The following PLIN5 variants were observed in gnomAD, a reference collection of about 807,000 sequenced individuals.
PLIN5 encodes perilipin 5, also known as perilipin-5.
PLIN5 carries 34 observed loss-of-function variants against 32.8 expected under a neutral mutation model. The ratio of observed to expected loss-of-function variants is 1.04; its 90% CI spans 0.79 to 1.38. The LOEUF (loss-of-function observed/expected upper bound fraction) is 1.38, where lower values mean the gene tolerates loss of function less well. PLIN5 is among the 40% of genes most tolerant of loss of function. PLIN5 has a pLI of 0.00. For synonymous variants in PLIN5, 309 were observed against 292.9 expected, an observed-to-expected ratio of 1.05 and a Z score of -0.56; for missense variants, 712 against 660.5, an observed-to-expected ratio of 1.08 and a Z score of -0.85.
rs997179552 is a variant in PLIN5, at chr19:4,535,188, C to G, written c.-45G>C. The G allele has an allele frequency of 1.3e-5, 2 of 152,034 alleles. No homozygotes were observed. The highest frequency in any genetic ancestry group is 4.8e-5 in the African/African-American group (2 of 41,384). The allele number at this position is 152,034 out of a possible 1,614,324, so 9.4% of individuals were successfully genotyped here. ...ACCTGGGCGCGAGCGGCTTCAGACACCAGCTGTCTCCGCCGACCCCAGGCT... is the reference window on the plus strand; with the variant it reads ...ACCTGGGCGCGAGCGGCTTCAGACAGCAGCTGTCTCCGCCGACCCCAGGCT... On this transcript the variant is annotated 5_prime_UTR_variant, in exon 1 of 8. Coordinates refer to ENST00000381848, the MANE Select transcript of PLIN5 (RefSeq NM_001013706.3).
At position 4,525,063 on chromosome 19, in the gene PLIN5, T is replaced by C; in HGVS notation, c.734A>G (p.Gln245Arg). The part of the protein sequence containing the change: ...QETLELIDHM[Q>R]CGVTPTAPAC... Reference sequence around the variant, plus strand: ...CGGGGCGGTGGGGGTCACCCCACACTGCATGTGGTCTATCTGCAAGGACAG... The same window carrying C: ...CGGGGCGGTGGGGGTCACCCCACACCGCATGTGGTCTATCTGCAAGGACAG... The change falls in exon 7 of 8, where the codon CAG becomes CGG. Residue 245 changes from glutamine (Q) to arginine (R), a missense_variant. Coordinates refer to ENST00000381848, the MANE Select transcript of PLIN5 (RefSeq NM_001013706.3). The surrounding 1 kb of genome is among the most constrained non-coding windows in gnomAD (Gnocchi z 5.6). 7.1e-7 allele frequency: 1 copy of C among 1,415,834 alleles called. No individual in the cohort carries two copies. The highest frequency in any genetic ancestry group is 1.5e-5 in the South Asian group (1 of 67,200). The allele number at this position is 1,415,834 out of a possible 1,614,324, so 87.7% of individuals were successfully genotyped here.
Position 4,531,711 on chromosome 19 carries a change from G to T in PLIN5, c.172C>A (p.Arg58Ser). ...CCGCACACGCAGTTCTCAGCCAGGC[G>T]GCAGGCGGAGCCCAGCAGCGGGTGC... The part of the protein sequence containing the change: ...DRHPLLGSAC[R>S]LAENCVCGLT... Residue 58 changes from arginine to serine, a missense_variant, in exon 3 of 8, where the codon CGC becomes AGC. Coordinates refer to ENST00000381848, the MANE Select transcript of PLIN5 (RefSeq NM_001013706.3). The T allele has an allele frequency of 1.9e-6, 3 of 1,582,716 alleles. No individual in the cohort carries two copies. The highest frequency in any genetic ancestry group is 1.7e-6 in the Non-Finnish European group (2 of 1,168,238).
At chr19:4,524,412 C>T (rs1228124997) in intron 7 of PLIN5, among the ~76,000 whole-genome samples, 8 of 152,254 alleles carry the variant, frequency 5.3e-5, no homozygotes, top group South Asian at 2.1e-4. Context: ...ATTAGCTGGG[C>T]GTGGTGGTGG....
intron 2 of PLIN5, chr19:4,533,426 G>C (rs1292584159): frequency 6.4e-6 from 1 of 155,544 alleles, no homozygotes; most frequent in Admixed American, 6.4e-5. Flanking sequence ...CCATGTTGTT[G>C]AAGGGTCCAC....
At position 4,529,507 on chromosome 19, in the gene PLIN5, TAC is replaced by T. The variant is rs1336248129; in HGVS notation, c.340-256_340-255del. The T allele has an allele frequency of 8.8e-5, 47 of 535,496 alleles. 1 individual carries two copies. The Admixed American group carries it at 1.6e-3, about 18-fold the overall frequency. 33.2% of individuals were successfully genotyped at this position (535,496 alleles called of 1,614,324 possible). A position where few individuals can be genotyped will look rare whatever the true frequency, so the allele number is the denominator to read the frequency against. ...ACACATATACACACATATACATATA[TAC>T]ATGTATATATACACATATACATATA... On this transcript the variant is annotated intron_variant, in intron 4 of 7. Coordinates refer to ENST00000381848, the MANE Select transcript of PLIN5 (RefSeq NM_001013706.3).
At chr19:4,529,728 G>A (rs574553019) in intron 4 of PLIN5, 56 bp downstream of exon 4, 7 of 533,706 alleles carry the variant, frequency 1.3e-5, no homozygotes, top group Admixed American at 2.2e-5. Flanking sequence ...CCTCCCTCCC[G>A]CCTCTAATCT....
In PLIN5 at chr19:4,527,564, A is replaced by AC. The variant is rs1297082507; in HGVS notation, c.520+1508_520+1509insG. Among the ~76,000 whole-genome samples, 44 of 146,356 alleles carry AC rather than the reference A, an allele frequency of 3.0e-4. 1 individual carries two copies. In the East Asian group the frequency reaches 4.9e-3, roughly 16 times the overall value. ...AAAAAAAAAAAAAAAAAAAAAAAAA[A>AC]AACAACAATGGTTGGGCGTGGTGGA... is the stretch of plus-strand genomic sequence containing the variant. On this transcript the variant is annotated intron_variant, in intron 5 of 7. Transcript: ENST00000381848.
chr19:4,530,249 A>G (rs10406628), intron 3 of PLIN5, among the ~76,000 whole-genome samples: 27,408 of 152,050 alleles, frequency 0.18, 4,542 homozygotes, highest in African/African-American at 0.44. Context: ...CTCCTCTGCC[A>G]TCCTGCCTGG....
chr19:4,535,210 G>A lies in PLIN5; in HGVS notation c.-67C>T, dbSNP rs1031593837. 3.3e-5 allele frequency: 5 copies of A among 151,820 alleles called. No homozygotes were observed. The highest frequency in any genetic ancestry group is 5.9e-5 in the Non-Finnish European group (4 of 68,086). The allele number at this position is 151,820 out of a possible 1,614,324, so 9.4% of individuals were successfully genotyped here. On this transcript the variant is annotated 5_prime_UTR_variant, in exon 1 of 8. Coordinates refer to ENST00000381848, the MANE Select transcript of PLIN5 (RefSeq NM_001013706.3). The stretch of plus-strand genomic sequence containing the variant: ...ACACCAGCTGTCTCCGCCGACCCCA[G>A]GCTCGAGTCTCCACACCCCCGCCGG...
intron 7 of PLIN5, among the ~76,000 whole-genome samples, chr19:4,524,509 G>T (rs544483343): frequency 6.6e-6 from 1 of 152,152 alleles, no homozygotes; most frequent in African/African-American, 2.4e-5. Flanking sequence ...CTGAGATCGC[G>T]CCACTGCACT....
chr19:4,529,610 T>TACACACACACACACACACACACACACAC (rs56850019), intron 4 of PLIN5, 174 bp downstream of exon 4: 1 of 403,770 alleles, frequency 2.5e-6, no homozygotes, highest in Non-Finnish European at 4.6e-6. Context: ...CATATATGTA[T>TACACACACACACACACACACACACACAC]ACACACACAC....
At chr19:4,529,532 A>C in intron 4 of PLIN5, 1 of 467,204 alleles carries the variant, frequency 2.1e-6, no homozygotes, top group Non-Finnish European at 3.6e-6. Flanking sequence ...ACATATACAT[A>C]TATACTTATA....
chr19:4,528,536 G>C (rs1182535659), intron 5 of PLIN5: 3 of 152,302 alleles, frequency 2.0e-5, no homozygotes, highest in Admixed American at 6.6e-5. Flanking sequence ...AGCCTCCCGA[G>C]TATCTGGGAA....
At chr19:4,533,884 A>G in intron 2 of PLIN5, 131 bp downstream of exon 2, 1 of 1,119,490 alleles carries the variant, frequency 8.9e-7, no homozygotes, top group Non-Finnish European at 1.3e-6. Context: ...CCATGGACCA[A>G]AATATTTTAT....
Position 4,525,213 on chromosome 19 carries a change from G to A in PLIN5, c.721-137C>T, listed in dbSNP as rs1026970417. 35 of 593,630 alleles carry A rather than the reference G, an allele frequency of 5.9e-5. No homozygotes were observed. Among genetic ancestry groups the A allele is most frequent in the Non-Finnish European group, 9.8e-5 (34 of 347,172 alleles). The allele number at this position is 593,630 out of a possible 1,614,324, so 36.8% of individuals were successfully genotyped here. ...GCAGGTTGTGCAGGGCCGTGGGGAAGACTTGGGCTTGGACCCCAAGGGAGG... is the reference window on the plus strand; with the variant it reads ...GCAGGTTGTGCAGGGCCGTGGGGAAAACTTGGGCTTGGACCCCAAGGGAGG... On this transcript the variant is annotated intron_variant, in intron 6 of 7. Transcript: ENST00000381848. The surrounding 1 kb of genome is among the most constrained non-coding windows in gnomAD (Gnocchi z 5.6).
Position 4,525,043 on chromosome 19 carries a change from C to T in PLIN5, c.754G>A (p.Ala252Thr), listed in dbSNP as rs770088157. 6.1e-6 allele frequency: 8 copies of T among 1,315,294 alleles called. No individual in the cohort carries two copies. Among genetic ancestry groups the T allele is most frequent in the East Asian group, 4.3e-5 (1 of 23,262 alleles). The allele number at this position is 1,315,294 out of a possible 1,614,324, so 81.5% of individuals were successfully genotyped here. A position where few individuals can be genotyped will look rare whatever the true frequency, so the allele number is the denominator to read the frequency against. ...DHMQCGVTPT[A>T]PACPGKVHEL... ...TGCACCTTCCCAGGGCAGGCCGGGGCGGTGGGGGTCACCCCACACTGCATG... is the reference window on the plus strand; with the variant it reads ...TGCACCTTCCCAGGGCAGGCCGGGGTGGTGGGGGTCACCCCACACTGCATG... The change falls in exon 7 of 8, where the codon GCC becomes ACC. Residue 252 changes from alanine (A) to threonine (T), a missense_variant. Ala to Thr is a moderately conservative substitution (Grantham distance 58). Coordinates refer to ENST00000381848, the MANE Select transcript of PLIN5 (RefSeq NM_001013706.3). The surrounding 1 kb of genome is among the most constrained non-coding windows in gnomAD (Gnocchi z 5.6).
Position 4,529,053 on chromosome 19 carries a change from GT to G in PLIN5, c.520+19del. 1 of 1,608,724 alleles carries G rather than the reference GT, an allele frequency of 6.2e-7. No individual in the cohort carries two copies. Among genetic ancestry groups the G allele is most frequent in the South Asian group, 1.1e-5 (1 of 90,430 alleles). ...GACGGGGCAGGACTCAGGGGTTAGGGTTGAGGGTGTCGTCCTCACCGAGCTC... is the reference window on the plus strand; with the variant it reads ...GACGGGGCAGGACTCAGGGGTTAGGGTGAGGGTGTCGTCCTCACCGAGCTC... On this transcript the variant is annotated intron_variant, in intron 5 of 7. Coordinates refer to ENST00000381848, the MANE Select transcript of PLIN5 (RefSeq NM_001013706.3).
intron 5 of PLIN5, among the ~76,000 whole-genome samples, chr19:4,527,243 T>G (rs557685600): frequency 3.3e-5 from 5 of 149,810 alleles, no homozygotes; most frequent in Non-Finnish European, 4.4e-5. Context: ...GCCCGGCCAA[T>G]TTTTTGTATT....
Position 4,523,775 on chromosome 19 carries a change from A to G in PLIN5, c.1145T>C (p.Leu382Pro). The G allele has an allele frequency of 6.3e-7, 1 of 1,598,468 alleles. No homozygotes were observed. Reference sequence around the variant, plus strand: ...GGGCAGGGGCTCGGGTCGCTCCACAAGGATGGGCGCGAAGGGTCCCACCAG... The same window carrying G: ...GGGCAGGGGCTCGGGTCGCTCCACAGGGATGGGCGCGAAGGGTCCCACCAG... ...PWLVGPFAPI[L>P]VERPEPLPDL... The change falls in exon 8 of 8, where the codon CTT becomes CCT. Residue 382 changes from leucine (L) to proline (P), a missense_variant. Transcript: ENST00000381848. The surrounding 1 kb of genome is among the most constrained non-coding windows in gnomAD (Gnocchi z 5.0).
Sources: allele counts gnomAD v4.1 joint callset (sites outside exome capture counted in the v4.1 genomes callset), GRCh38; gene constraint gnomAD v4.1.1; non-coding constraint Gnocchi (gnomAD v3.1); transcripts MANE v1.5; gene names NCBI Gene and HGNC (gene_info 2026-07-23, HGNC 2026-07-21).